Variants in KALRN observed in about 807,000 individuals in gnomAD.
KALRN encodes kalirin.
A neutral mutation model predicts 353.7 loss-of-function variants in KALRN; 70 were observed. The ratio of observed to expected loss-of-function variants is 0.20; its 90% CI spans 0.16 to 0.24. KALRN has a LOEUF of 0.24. Among genes scored for constraint, KALRN ranks in the 10% least tolerant of loss-of-function variants. KALRN has a pLI of 1.00. For synonymous variants in KALRN, 1,391 were observed against 1,434.8 expected (o/e 0.97, Z 0.69); for missense variants, 2,791 against 3,756.7 (o/e 0.74, Z 6.72).
intron 50 of KALRN, 124 bp from the exon 51 acceptor site, chr3:124,679,334 G>GT (rs1259436672): frequency 1.3e-5 from 10 of 796,122 alleles, no homozygotes; most frequent in East Asian, 5.0e-5. Context: ...AAAACACCTG[G>GT]TTTTTTCTCT....
At chr3:124,251,201 T>C (rs1487329136) in intron 3 of KALRN, among the ~76,000 whole-genome samples, 1 of 152,146 alleles carries the variant, frequency 6.6e-6, no homozygotes, top group African/African-American at 2.4e-5. Context: ...AGCTGCCTCA[T>C]GCTGGTCCCT....
At chr3:124,228,290 G>C (rs952670066) in intron 2 of KALRN, among the ~76,000 whole-genome samples, 6 of 152,212 alleles carry the variant, frequency 3.9e-5, no homozygotes, top group African/African-American at 1.2e-4. Context: ...CATTCCCTGA[G>C]CTTCCCACCC....
chr3:124,231,740 A>G (rs2079182971), intron 2 of KALRN, among the ~76,000 whole-genome samples: 4 of 152,108 alleles, frequency 2.6e-5, no homozygotes, highest in Admixed American at 2.6e-4. Context: ...GCATTTTCCA[A>G]ACTAAAGAAT....
At chr3:124,201,018 A>G (rs1038880032) in intron 1 of KALRN, among the ~76,000 whole-genome samples, 18 of 152,240 alleles carry the variant, frequency 1.2e-4, no homozygotes, top group Admixed American at 6.5e-4. Context: ...GCACAAGCCA[A>G]TGGGTGATCT....
At chr3:124,128,063 TTTC>T (rs2064884299) in intron 1 of KALRN, among the ~76,000 whole-genome samples, 1 of 152,232 alleles carries the variant, frequency 6.6e-6, no homozygotes, top group Admixed American at 6.5e-5. Context: ...AGTTTTTGCC[TTTC>T]TTCAATCATG....
chr3:124,123,806 C>G (rs907395135), intron 1 of KALRN, among the ~76,000 whole-genome samples: 6 of 152,162 alleles, frequency 3.9e-5, no homozygotes, highest in Non-Finnish European at 8.8e-5. Flanking sequence ...TCCAAGAAAG[C>G]CTGGATGACA....
At chr3:124,294,669 C>T (rs2076708281) in intron 5 of KALRN, among the ~76,000 whole-genome samples, 3 of 151,750 alleles carry the variant, frequency 2.0e-5, no homozygotes, top group South Asian at 2.1e-4. Context: ...GGATTACAGG[C>T]ACCCACCACC....
At chr3:124,621,481 G>A (rs2079264671) in intron 34 of KALRN, among the ~76,000 whole-genome samples, 1 of 152,204 alleles carries the variant, frequency 6.6e-6, no homozygotes, top group South Asian at 2.1e-4. Flanking sequence ...TTTGCGCTAT[G>A]CATTTGAGAC....
intron 37 of KALRN, among the ~76,000 whole-genome samples, chr3:124,645,626 T>TTCTC (rs71145472): frequency 0.017 from 2,279 of 133,522 alleles, 24 homozygotes; most frequent in Middle Eastern, 0.085. Context: ...TGAATAATAT[T>TTCTC]TCTCTCTCTC....
At chr3:124,634,546 C>A (rs67708930) in intron 36 of KALRN, among the ~76,000 whole-genome samples, 20,673 of 152,180 alleles carry the variant, frequency 0.14, 1,395 homozygotes, top group Middle Eastern at 0.2. Flanking sequence ...ATATCGATGC[C>A]CCCTGTGTCT....
chr3:124,548,336 T>G (rs1177144484), intron 33 of KALRN, among the ~76,000 whole-genome samples: 2 of 152,230 alleles, frequency 1.3e-5, no homozygotes, highest in Non-Finnish European at 2.9e-5. Flanking sequence ...CTTCCCAGTT[T>G]TTGGAGGGTC....
chr3:124,597,268 GC>G (rs996259445), intron 34 of KALRN, among the ~76,000 whole-genome samples: 8 of 152,240 alleles, frequency 5.3e-5, no homozygotes, highest in African/African-American at 1.9e-4. Context: ...ATATTTCTCT[GC>G]CCCGAGTTGG....
intron 34 of KALRN, among the ~76,000 whole-genome samples, chr3:124,565,852 G>C (rs1283692450): frequency 1.3e-5 from 2 of 152,222 alleles, no homozygotes. Flanking sequence ...GGAGGTGGAA[G>C]CATTCAGGGT....
At chr3:124,306,423 G>T (rs530797955) in intron 6 of KALRN, among the ~76,000 whole-genome samples, 4 of 149,942 alleles carry the variant, frequency 2.7e-5, no homozygotes, top group Non-Finnish European at 6.0e-5. Context: ...TAAACTAATA[G>T]AAATTATGCA....
rs1560381321 is a variant in KALRN, at chr3:124,257,677, G to GGCCTC, written c.264-6821_264-6820insGCCTC. Among the ~76,000 whole-genome samples the GGCCTC allele has an allele frequency of 8.7e-4, 133 of 152,272 alleles. 1 individual carries two copies. Among genetic ancestry groups the GGCCTC allele is most frequent in the African/African-American group, 3.1e-3 (129 of 41,538 alleles). ...GAACCTGGCCAAGGGGGCCTCAGGG[G>GGCCTC]ACCCATGGCCCAGATGGGAAACTAT... On this transcript the variant is annotated intron_variant, in intron 3 of 59. Transcript: ENST00000682506.
At position 124,722,281 on chromosome 3, in the gene KALRN, G is replaced by A. The variant is rs2063367271; in HGVS notation, c.*2811G>A. On this transcript the variant is annotated 3_prime_UTR_variant, in exon 60 of 60. Coordinates refer to ENST00000682506, the MANE Select transcript of KALRN (RefSeq NM_001388419.1). ...TCATATCAGCTTTTACAACAGAGTT[G>A]GGAGGATCCAGATGTGGGGTTGCAT... 1 of 152,124 alleles carries A rather than the reference G, an allele frequency of 6.6e-6. No individual in the cohort carries two copies. The highest frequency in any genetic ancestry group is 1.5e-5 in the Non-Finnish European group (1 of 68,040). The allele number at this position is 152,124 out of a possible 1,614,324, so 9.4% of individuals were successfully genotyped here. A position where few individuals can be genotyped will look rare whatever the true frequency, so the allele number is the denominator to read the frequency against.
rs115215234 is a variant in KALRN at position 124,671,474 on chromosome 3, C to T, written c.6704-186C>T. ...AACCCTTGGCACCTCACATATGGCACCGTTTTGTTTTTTGTATTTTCATTA... is the reference window on the plus strand; with the variant it reads ...AACCCTTGGCACCTCACATATGGCATCGTTTTGTTTTTTGTATTTTCATTA... On this transcript the variant is annotated intron_variant, in intron 47 of 59. Transcript: ENST00000682506. 9.0e-3 allele frequency among the ~76,000 whole-genome samples: 1,373 copies of T among 152,290 alleles called. 24 individuals carry two copies. Among genetic ancestry groups the T allele is most frequent in the African/African-American group, 0.032 (1,314 of 41,544 alleles).
At chr3:124,078,443 A>G (rs1238662108) in intron 1 of KALRN, among the ~76,000 whole-genome samples, 1 of 152,186 alleles carries the variant, frequency 6.6e-6, no homozygotes, top group African/African-American at 2.4e-5. Context: ...CTCAGTGGTA[A>G]ATGCATCAGG....
intron 1 of KALRN, among the ~76,000 whole-genome samples, chr3:124,118,006 G>A (rs566400457): frequency 6.6e-6 from 1 of 152,262 alleles, no homozygotes; most frequent in East Asian, 1.9e-4. Context: ...ATCTCTTTGG[G>A]TTTTAAGCTG....
Sources: gnomAD v4.1 joint callset for allele counts (sites outside exome capture counted in the v4.1 genomes callset) on GRCh38, gnomAD v4.1.1 for gene constraint, MANE v1.5 for transcripts, NCBI Gene and HGNC (gene_info 2026-07-23, HGNC 2026-07-21) for gene names.